Variants in NAV3 observed in about 807,000 individuals in gnomAD.
NAV3 encodes the protein neuron navigator 3.
NAV3 carries 87 observed loss-of-function variants against 244.7 expected under a neutral mutation model. That is an observed-to-expected ratio of 0.36 (90% confidence interval 0.30 to 0.42). The LOEUF is 0.42. Among genes scored for constraint, NAV3 ranks in the 20% least tolerant of loss-of-function variants. NAV3 has a pLI of 1.00. For synonymous variants in NAV3, 1,126 were observed against 1,042.2 expected, an observed-to-expected ratio of 1.08 and a Z score of -1.55; for missense variants, 2,663 against 2,893.3, an observed-to-expected ratio of 0.92 and a Z score of 1.83.
intron 1 of NAV3, among the ~76,000 whole-genome samples, chr12:77,925,934 C>T (rs1035179300): frequency 3.9e-5 from 6 of 151,996 alleles, no homozygotes; most frequent in Admixed American, 3.3e-4. Flanking sequence ...TGGGGATCAA[C>T]AGAATCTTCC....
At chr12:77,923,750 A>C (rs752721898) in intron 1 of NAV3, among the ~76,000 whole-genome samples, 11 of 152,130 alleles carry the variant, frequency 7.2e-5, no homozygotes, top group Non-Finnish European at 1.0e-4. Flanking sequence ...ACCACCCCAG[A>C]ATCAGCAGTA....
intron 1 of NAV3, among the ~76,000 whole-genome samples, chr12:77,888,703 A>G (rs966464271): frequency 1.3e-5 from 2 of 152,144 alleles, no homozygotes; most frequent in Admixed American, 6.6e-5. Context: ...CCTATAGTTT[A>G]TGCTGATTAA....
At chr12:78,091,795 C>CAAAAAAAAAAAAAAAAAAAAAAAAAAAA (rs57863867) in intron 12 of NAV3, 9 of 103,834 alleles carry the variant, frequency 8.7e-5, no homozygotes, top group Admixed American at 2.0e-4. Flanking sequence ...GACTCCGTCT[C>CAAAAAAAAAAAAAAAAAAAAAAAAAAAA]AAAAAAAAAA....
At chr12:78,188,140 A>G in intron 31 of NAV3, 108 bp from the exon 32 acceptor site, 1 of 784,288 alleles carries the variant, frequency 1.3e-6, no homozygotes, top group East Asian at 2.7e-5. Flanking sequence ...AGGTTTAACA[A>G]ATAGTTTAGT....
intron 1 of NAV3, among the ~76,000 whole-genome samples, chr12:77,849,953 G>C (rs140892796): frequency 1.3e-5 from 2 of 152,018 alleles, no homozygotes; most frequent in East Asian, 3.9e-4. Flanking sequence ...ATTAAGACTC[G>C]GCAGATTGAA....
intron 2 of NAV3, among the ~76,000 whole-genome samples, chr12:77,613,118 C>T (rs778611932): frequency 3.9e-5 from 6 of 152,040 alleles, no homozygotes; most frequent in Non-Finnish European, 7.4e-5. Flanking sequence ...AGCATGAGAA[C>T]GAAATGAAAC....
chr12:77,828,227 G>A (rs536289825), upstream of NAV3, among the ~76,000 whole-genome samples: 1 of 152,204 alleles, frequency 6.6e-6, no homozygotes, highest in Admixed American at 6.5e-5. Flanking sequence ...GGCCCTTTCT[G>A]TCTCTCTTAT....
At chr12:78,051,499 T>G (rs1882756849) in intron 11 of NAV3, among the ~76,000 whole-genome samples, 1 of 152,162 alleles carries the variant, frequency 6.6e-6, no homozygotes, top group Admixed American at 6.5e-5. Flanking sequence ...GATTTTTTTT[T>G]TCTTTTTTAG....
chr12:78,045,156 C>T (rs922317100), intron 9 of NAV3, among the ~76,000 whole-genome samples: 6 of 152,098 alleles, frequency 3.9e-5, no homozygotes, highest in African/African-American at 1.2e-4. Flanking sequence ...TGAATTTTAT[C>T]GAAGGCCTTT....
In NAV3 at chr12:77,831,551, C is replaced by T. The variant is rs1253768178; in HGVS notation, c.90C>T (p.Gly30=). 19 of 1,614,098 alleles carry T rather than the reference C, an allele frequency of 1.2e-5. No individual in the cohort carries two copies. In the Middle Eastern group the frequency reaches 6.6e-4, roughly 56 times the overall value. Residue 30 remains glycine, a synonymous_variant, in exon 1 of 40, where the codon GGC becomes GGT. Transcript: ENST00000397909. ...CTGCTCTTCCGATACCAAATCTTGG[C>T]ACTACTGGGTCACAGCACTGTTCTT... ...VHTALPIPNL[G]TTGSQHCSSR...
chr12:77,645,536 T>TAAAAAAAAAAAAAAAAAAAAAAAAAAAA (rs756805711), intron 2 of NAV3, among the ~76,000 whole-genome samples: 1 of 63,028 alleles, frequency 1.6e-5, no homozygotes, highest in African/African-American at 7.3e-5. Context: ...TCTCTCTCTC[T>TAAAAAAAAAAAAAAAAAAAAAAAAAAAA]AAAAAAAAAA....
chr12:77,794,512 C>A (rs1871321440), intron 2 of NAV3, among the ~76,000 whole-genome samples: 1 of 152,126 alleles, frequency 6.6e-6, no homozygotes, highest in African/African-American at 2.4e-5. Context: ...TATTTTAACA[C>A]CAACTTTAAT....
chr12:78,044,146 T>C (rs1270842459), intron 9 of NAV3, among the ~76,000 whole-genome samples: 1 of 152,224 alleles, frequency 6.6e-6, no homozygotes, highest in Non-Finnish European at 1.5e-5. Flanking sequence ...GTTATATGCA[T>C]GTGGCTAGCC....
At chr12:77,609,941 C>T (rs543906773) in intron 2 of NAV3, among the ~76,000 whole-genome samples, 1 of 152,136 alleles carries the variant, frequency 6.6e-6, no homozygotes, top group South Asian at 2.1e-4. Context: ...CATATCCCCA[C>T]TTCTGTGGGC....
At chr12:77,586,324 A>T (rs1157703679) in intron 2 of NAV3, among the ~76,000 whole-genome samples, 1 of 152,210 alleles carries the variant, frequency 6.6e-6, no homozygotes, top group East Asian at 1.9e-4. Flanking sequence ...AGATAAGAAA[A>T]TGAATATTAT....
intron 1 of NAV3, among the ~76,000 whole-genome samples, chr12:77,857,078 A>G (rs1488592137): frequency 6.6e-6 from 1 of 152,120 alleles, no homozygotes; most frequent in Non-Finnish European, 1.5e-5. Context: ...GGAAATTCAA[A>G]TCTACATATT....
chr12:78,001,811 C>T (rs901722927), intron 7 of NAV3, among the ~76,000 whole-genome samples: 4 of 152,204 alleles, frequency 2.6e-5, no homozygotes, highest in African/African-American at 9.7e-5. Flanking sequence ...AACGCGGAAA[C>T]ATATTTCTCA....
chr12:77,968,727 G>A (rs1441537134), intron 5 of NAV3, 25 bp downstream of exon 5: 55 of 1,599,984 alleles, frequency 3.4e-5, no homozygotes, highest in Non-Finnish European at 4.6e-5. Flanking sequence ...TAGGGAATGT[G>A]TTTCCAATTA....
At position 77,587,030 on chromosome 12, in the gene NAV3, T is replaced by A. The variant is rs1565726171; in HGVS notation, c.72+14764T>A. Among the ~76,000 whole-genome samples the A allele has an allele frequency of 2.6e-5, 4 of 152,206 alleles. No individual in the cohort carries two copies. The South Asian group carries it at 8.3e-4, about 32-fold the overall frequency. On this transcript the variant is annotated intron_variant, in intron 2 of 8. Coordinates refer to the NAV3 transcript ENST00000550042. ...TAAATTAGTAAATGAATTATTTATATTGCTTATTTTTCCTTATGTGAAAGT... is the reference window on the plus strand; with the variant it reads ...TAAATTAGTAAATGAATTATTTATAATGCTTATTTTTCCTTATGTGAAAGT...
Sources: allele counts gnomAD v4.1 joint callset (sites outside exome capture counted in the v4.1 genomes callset), GRCh38; gene constraint gnomAD v4.1.1; transcripts MANE v1.5; gene names NCBI Gene and HGNC (gene_info 2026-07-23, HGNC 2026-07-21).